SDK1: variants seen among roughly 807,000 people sequenced by gnomAD.
The protein encoded by SDK1 is protein sidekick-1.
Under a neutral mutation model 245.5 loss-of-function variants are expected in SDK1, and 157 were observed. The observed-to-expected ratio is 0.64, with a 90% CI of 0.56 to 0.73. SDK1 has a LOEUF of 0.73. Among genes scored for constraint, SDK1 ranks in the 30% least tolerant of loss-of-function variants. SDK1 has a pLI of 0.00. For missense variants in SDK1, 3,583 were observed against 3,002.3 expected (o/e 1.19, Z -4.52); for synonymous variants, 1,647 against 1,278.5 (o/e 1.29, Z -6.15).
At chr7:3,304,816 T>G (rs1035657343) in intron 1 of SDK1, among the ~76,000 whole-genome samples, 7 of 152,218 alleles carry the variant, frequency 4.6e-5, no homozygotes, top group Non-Finnish European at 8.8e-5. Context: ...CAAACTTGGT[T>G]GCACATTGGA....
intron 26 of SDK1, chr7:4,129,606 A>T: frequency 1.7e-6 from 2 of 1,158,396 alleles, no homozygotes; most frequent in Non-Finnish European, 2.2e-6. Context: ...TCTTTGTTTT[A>T]GTGGCTGTGG....
intron 1 of SDK1, among the ~76,000 whole-genome samples, chr7:3,518,633 T>C (rs1173974086): frequency 3.3e-5 from 5 of 151,670 alleles, no homozygotes; most frequent in Non-Finnish European, 5.9e-5. Context: ...CAATAAGATA[T>C]CATCTCATCC....
intron 4 of SDK1, among the ~76,000 whole-genome samples, chr7:3,763,714 T>C (rs1554259488): frequency 6.6e-6 from 1 of 152,238 alleles, no homozygotes; most frequent in Non-Finnish European, 1.5e-5. Context: ...GTTACCTTTT[T>C]AGGGGTGGTG....
At chr7:3,802,117 A>G (rs1449803780) in intron 4 of SDK1, among the ~76,000 whole-genome samples, 3 of 152,348 alleles carry the variant, frequency 2.0e-5, no homozygotes, top group African/African-American at 7.2e-5. Flanking sequence ...CCCAATGTTT[A>G]TATTTTATAC....
chr7:3,828,002 G>A (rs961354985), intron 5 of SDK1, among the ~76,000 whole-genome samples: 5 of 152,158 alleles, frequency 3.3e-5, no homozygotes, highest in African/African-American at 9.7e-5. Flanking sequence ...TGACAACAGG[G>A]CGCATTGCCT....
intron 32 of SDK1, among the ~76,000 whole-genome samples, chr7:4,165,871 C>G (rs1781467684): frequency 6.6e-6 from 1 of 152,054 alleles, no homozygotes; most frequent in Non-Finnish European, 1.5e-5. Flanking sequence ...ATTGTAGCCT[C>G]CAACTCCTGG....
intron 1 of SDK1, among the ~76,000 whole-genome samples, chr7:3,494,077 T>G (rs1316745064): frequency 6.6e-6 from 1 of 152,162 alleles, no homozygotes; most frequent in Non-Finnish European, 1.5e-5. Context: ...TCTGATCTCA[T>G]TTATTTAGAA....
intron 4 of SDK1, among the ~76,000 whole-genome samples, chr7:3,789,702 G>A (rs1781020154): frequency 6.6e-6 from 1 of 152,186 alleles, no homozygotes; most frequent in African/African-American, 2.4e-5. Flanking sequence ...ATGATAGAAA[G>A]ACAAGAAGAT....
At chr7:3,586,012 T>G (rs1479266715) in intron 1 of SDK1, among the ~76,000 whole-genome samples, 1 of 152,074 alleles carries the variant, frequency 6.6e-6, no homozygotes, top group Non-Finnish European at 1.5e-5. Context: ...GCTGCAGAGC[T>G]GATTGAGTGG....
At chr7:3,708,808 C>G (rs528832321) in intron 4 of SDK1, among the ~76,000 whole-genome samples, 1 of 152,374 alleles carries the variant, frequency 6.6e-6, no homozygotes, top group East Asian at 1.9e-4. Flanking sequence ...TCAAGTGAGT[C>G]TCTTGAAGAC....
Position 3,775,828 on chromosome 7 carries a change from G to A in SDK1, c.714-45622G>A, listed in dbSNP as rs185006441. 3.4e-3 allele frequency among the ~76,000 whole-genome samples: 510 copies of A among 151,910 alleles called. 1 individual carries two copies. The highest frequency in any genetic ancestry group is 0.011 in the African/African-American group (464 of 41,424). On this transcript the variant is annotated intron_variant, in intron 4 of 44. Transcript: ENST00000404826. Reference sequence around the variant, plus strand: ...CCTGACCTCATGATCCACCCGCCTCGGCCTCCCAAAGTGCTGGGATTACAG... The same window carrying A: ...CCTGACCTCATGATCCACCCGCCTCAGCCTCCCAAAGTGCTGGGATTACAG...
chr7:3,387,696 G>A (rs1159417502), intron 1 of SDK1, among the ~76,000 whole-genome samples: 1 of 152,162 alleles, frequency 6.6e-6, no homozygotes, highest in Non-Finnish European at 1.5e-5. Context: ...TCACTGAACT[G>A]TACATTTAAT....
At chr7:3,531,100 C>T (rs1002094806) in intron 1 of SDK1, among the ~76,000 whole-genome samples, 2 of 152,178 alleles carry the variant, frequency 1.3e-5, no homozygotes, top group African/African-American at 4.8e-5. Context: ...CAAGATTTGA[C>T]TAATATGAAC....
At chr7:3,844,415 C>A (rs558907219) in intron 5 of SDK1, among the ~76,000 whole-genome samples, 3 of 152,048 alleles carry the variant, frequency 2.0e-5, no homozygotes, top group African/African-American at 7.2e-5. Flanking sequence ...TCCATCAGAC[C>A]CACCCTAAAT....
chr7:3,479,886 T>G (rs1781459137), intron 1 of SDK1, among the ~76,000 whole-genome samples: 1 of 151,962 alleles, frequency 6.6e-6, no homozygotes, highest in African/African-American at 2.4e-5. Context: ...ATTTTTTTTT[T>G]CATTAAATGA....
chr7:3,433,103 G>C (rs1355071100), intron 1 of SDK1, among the ~76,000 whole-genome samples: 1 of 152,192 alleles, frequency 6.6e-6, no homozygotes, highest in Non-Finnish European at 1.5e-5. Flanking sequence ...AGAGATTCCA[G>C]TCAACATAAT....
At chr7:4,036,142 G>C (rs1440725850) in intron 17 of SDK1, among the ~76,000 whole-genome samples, 1 of 152,170 alleles carries the variant, frequency 6.6e-6, no homozygotes, top group East Asian at 1.9e-4. Flanking sequence ...TGACAAGAAA[G>C]CTTCTGCCAA....
At chr7:3,523,681 G>T (rs1383248401) in intron 1 of SDK1, among the ~76,000 whole-genome samples, 1 of 152,082 alleles carries the variant, frequency 6.6e-6, no homozygotes. Flanking sequence ...GGGAAGTCTG[G>T]GACTCCCAGC....
chr7:3,668,780 A>G (rs1783610984), intron 4 of SDK1, among the ~76,000 whole-genome samples: 1 of 152,216 alleles, frequency 6.6e-6, no homozygotes, highest in Admixed American at 6.5e-5. Context: ...GATAGAGTGA[A>G]ATTCCTACTC....
Sources: gnomAD v4.1 joint callset for allele counts (sites outside exome capture counted in the v4.1 genomes callset) on GRCh38, gnomAD v4.1.1 for gene constraint, MANE v1.5 for transcripts, NCBI Gene and HGNC (gene_info 2026-07-23, HGNC 2026-07-21) for gene names.